The following CDH8 variants were observed in gnomAD, a reference collection of about 807,000 sequenced individuals.
CDH8 encodes cadherin 8, also known as cadherin-8.
In CDH8, 17 loss-of-function variants were observed where a neutral mutation model predicts 68.1. That is an observed-to-expected ratio of 0.25 (90% CI 0.17 to 0.37). The LOEUF is 0.37. Ranked by LOEUF, CDH8 falls within the 10% of genes least tolerant of loss-of-function variation. The probability of loss-of-function intolerance (pLI) is 1.00; values close to 1 mark genes in which losing one functional copy is unlikely to be tolerated. For synonymous variants in CDH8, 372 were observed against 365.1 expected, an observed-to-expected ratio of 1.02 and a Z score of -0.21; for missense variants, 763 against 999.3, an observed-to-expected ratio of 0.76 and a Z score of 3.19.
intron 5 of CDH8, among the ~76,000 whole-genome samples, chr16:61,824,427 T>C (rs1006408496): frequency 2.6e-5 from 4 of 151,818 alleles, no homozygotes; most frequent in African/African-American, 9.7e-5. Context: ...CAGAAGAAAG[T>C]GTTCGATGAG....
intron 8 of CDH8, among the ~76,000 whole-genome samples, chr16:61,729,095 A>G (rs923085785): frequency 3.3e-5 from 5 of 151,178 alleles, no homozygotes; most frequent in Non-Finnish European, 7.4e-5. Context: ...CAATCTGCAC[A>G]AAAAATCTAT....
intron 10 of CDH8, among the ~76,000 whole-genome samples, chr16:61,708,151 T>G (rs1222050828): frequency 6.6e-6 from 1 of 152,142 alleles, no homozygotes; most frequent in Non-Finnish European, 1.5e-5. Flanking sequence ...TATTATACTT[T>G]AAGTTTTAGA....
rs1965759161 is a variant in CDH8, at chr16:61,993,365, G to A, written c.252+27787C>T. Among the ~76,000 whole-genome samples, 3 of 152,136 alleles carry A rather than the reference G, an allele frequency of 2.0e-5. No homozygotes were observed. In the East Asian group the frequency reaches 5.8e-4, roughly 29 times the overall value. On this transcript the variant is annotated intron_variant, in intron 2 of 11. Transcript: ENST00000577390. Reference sequence around the variant, plus strand: ...GACGGAGTTTCACTCTTGTTGCCAGGCTGGAGTGTAATGGTGTGATCTCGG... The same window carrying A: ...GACGGAGTTTCACTCTTGTTGCCAGACTGGAGTGTAATGGTGTGATCTCGG...
chr16:62,035,331 C>A (rs1902429634), intron 1 of CDH8, among the ~76,000 whole-genome samples: 1 of 152,192 alleles, frequency 6.6e-6, no homozygotes, highest in Non-Finnish European at 1.5e-5. Context: ...CTACGGAGTC[C>A]CCGGCTTAAG....
At chr16:61,814,185 C>T (rs1962022151) in intron 7 of CDH8, among the ~76,000 whole-genome samples, 1 of 152,084 alleles carries the variant, frequency 6.6e-6, no homozygotes, top group East Asian at 1.9e-4. Flanking sequence ...TCAGAGAATT[C>T]CAGAGACTAG....
At chr16:61,934,784 T>G (rs574855574) in intron 2 of CDH8, among the ~76,000 whole-genome samples, 1 of 152,292 alleles carries the variant, frequency 6.6e-6, no homozygotes, top group Admixed American at 6.5e-5. Context: ...TGTAGAATTA[T>G]TCCATGACCA....
At chr16:61,738,517 C>T (rs911088032) in intron 8 of CDH8, among the ~76,000 whole-genome samples, 1 of 152,116 alleles carries the variant, frequency 6.6e-6, no homozygotes, top group African/African-American at 2.4e-5. Context: ...TTTAGAGCTA[C>T]TGGAGAGAGA....
At chr16:62,009,047 C>G (rs529528858) in intron 2 of CDH8, among the ~76,000 whole-genome samples, 1 of 145,196 alleles carries the variant, frequency 6.9e-6, no homozygotes, top group Admixed American at 6.8e-5. Flanking sequence ...AAAAAAAAAG[C>G]AAAGAAAAAC....
At chr16:61,731,662 G>C (rs1389484272) in intron 8 of CDH8, among the ~76,000 whole-genome samples, 1 of 151,658 alleles carries the variant, frequency 6.6e-6, no homozygotes, top group African/African-American at 2.4e-5. Flanking sequence ...GAGGAGGATT[G>C]GTAACTAGAA....
At chr16:61,827,761 G>A (rs1362308590) in intron 4 of CDH8, among the ~76,000 whole-genome samples, 1 of 151,720 alleles carries the variant, frequency 6.6e-6, no homozygotes, top group African/African-American at 2.4e-5. Flanking sequence ...TACCTAAGAT[G>A]CATATACAGT....
chr16:61,653,885 G>A lies in CDH8; in HGVS notation c.2123C>T (p.Pro708Leu). 6.2e-7 allele frequency: 1 copy of A among 1,614,122 alleles called. No homozygotes were observed. Among genetic ancestry groups the A allele is most frequent in the Non-Finnish European group, 8.5e-7 (1 of 1,180,020 alleles). ...TGGAACTGGAGCAAGCCCTTGCCTT[G>A]GCATAAACTGCAAATCTGGTTTAAT... ...KDIKPDLQFM[P>L]RQGLAPVPNG... The change falls in exon 12 of 12, where the codon CCA becomes CTA. Residue 708 changes from proline to leucine, a missense_variant. Pro to Leu is a moderately conservative substitution (Grantham distance 98). Transcript: ENST00000577390.
intron 8 of CDH8, among the ~76,000 whole-genome samples, chr16:61,753,387 G>A (rs1235086836): frequency 6.6e-6 from 1 of 151,926 alleles, no homozygotes; most frequent in Non-Finnish European, 1.5e-5. Flanking sequence ...CTACAGGCAT[G>A]TGCCACCACG....
intron 5 of CDH8, among the ~76,000 whole-genome samples, chr16:61,824,104 G>T (rs917941032): frequency 1.1e-4 from 17 of 151,838 alleles, no homozygotes; most frequent in African/African-American, 3.1e-4. Flanking sequence ...CTTTAAAAAG[G>T]AGATCCTGTC....
chr16:61,793,133 A>G (rs1358982548), intron 7 of CDH8, among the ~76,000 whole-genome samples: 2 of 151,946 alleles, frequency 1.3e-5, no homozygotes, highest in African/African-American at 4.8e-5. Flanking sequence ...TTGTGAGGAC[A>G]CAGTGAGAAG....
chr16:61,830,623 C>T (rs900313503), intron 4 of CDH8, among the ~76,000 whole-genome samples: 4 of 151,734 alleles, frequency 2.6e-5, no homozygotes, highest in Admixed American at 2.6e-4. Context: ...TGTCCATGTC[C>T]CTAGCATGCT....
intron 2 of CDH8, among the ~76,000 whole-genome samples, chr16:61,962,952 A>T (rs1965184434): frequency 6.6e-6 from 1 of 152,152 alleles, no homozygotes; most frequent in Non-Finnish European, 1.5e-5. Flanking sequence ...ATTCTGTTGT[A>T]ACATTGTATT....
chr16:61,812,153 A>G (rs554824017), intron 7 of CDH8, among the ~76,000 whole-genome samples: 1 of 152,298 alleles, frequency 6.6e-6, no homozygotes, highest in African/African-American at 2.4e-5. Context: ...TCAATACACC[A>G]TCTACTATCT....
chr16:61,685,183 G>GAAA (rs11357299), intron 10 of CDH8, among the ~76,000 whole-genome samples: 3 of 115,868 alleles, frequency 2.6e-5, no homozygotes, highest in Non-Finnish European at 5.7e-5. Flanking sequence ...GGTCCTGTCT[G>GAAA]AAAAAAAAAA....
At chr16:61,906,337 G>A (rs1035676042) in intron 2 of CDH8, among the ~76,000 whole-genome samples, 10 of 152,162 alleles carry the variant, frequency 6.6e-5, no homozygotes, top group African/African-American at 2.4e-4. Context: ...GGCCAGCCTA[G>A]CATCCAGGAT....
Sources: gnomAD v4.1 joint callset for allele counts (sites outside exome capture counted in the v4.1 genomes callset) on GRCh38, gnomAD v4.1.1 for gene constraint, MANE v1.5 for transcripts, NCBI Gene and HGNC (gene_info 2026-07-23, HGNC 2026-07-21) for gene names.